The following NBEA variants were observed in gnomAD, a reference collection of about 807,000 sequenced individuals.
NBEA encodes the protein neurobeachin, also known as lysosomal-trafficking regulator 2.
NBEA carries 44 observed loss-of-function variants against 343.4 expected under a neutral mutation model. The observed-to-expected ratio is 0.13, with a 90% CI of 0.10 to 0.16. NBEA has a LOEUF of 0.16. Among genes scored for constraint, NBEA ranks in the 10% least tolerant of loss-of-function variants. NBEA has a pLI of 1.00. For missense variants in NBEA, 2,555 were observed against 3,631.3 expected, an observed-to-expected ratio of 0.70 and a Z score of 7.62; for synonymous variants, 1,175 against 1,238.7, an observed-to-expected ratio of 0.95 and a Z score of 1.08.
At chr13:35,333,017 C>T (rs1029771568) in intron 36 of NBEA, among the ~76,000 whole-genome samples, 6 of 152,026 alleles carry the variant, frequency 3.9e-5, no homozygotes, top group African/African-American at 1.4e-4. Context: ...AGAATCTAGC[C>T]TGGAACTATC....
chr13:34,985,618 C>A (rs1352425658), intron 1 of NBEA, among the ~76,000 whole-genome samples: 6 of 150,774 alleles, frequency 4.0e-5, no homozygotes, highest in Admixed American at 4.0e-4. Context: ...GGAGTGCTAC[C>A]AGCTCCTTTT....
At chr13:35,582,091 C>G (rs2081078481) in intron 45 of NBEA, among the ~76,000 whole-genome samples, 1 of 151,954 alleles carries the variant, frequency 6.6e-6, no homozygotes, top group South Asian at 2.1e-4. Context: ...TTGAGACCAT[C>G]CTGGATAACA....
chr13:35,535,146 G>A (rs933318845), intron 41 of NBEA, among the ~76,000 whole-genome samples: 1 of 152,080 alleles, frequency 6.6e-6, no homozygotes, highest in African/African-American at 2.4e-5. Context: ...TTGCCAGCAA[G>A]GGCCATTTAC....
intron 28 of NBEA, among the ~76,000 whole-genome samples, chr13:35,181,159 A>T (rs1268589824): frequency 6.6e-6 from 1 of 151,872 alleles, no homozygotes; most frequent in Non-Finnish European, 1.5e-5. Context: ...TTTTTCATAT[A>T]CTGACTTCTT....
chr13:35,046,281 A>G (rs1290703161), intron 4 of NBEA, among the ~76,000 whole-genome samples: 1 of 152,114 alleles, frequency 6.6e-6, no homozygotes. Context: ...ATGTTTTCTT[A>G]TCTTTCGATT....
intron 24 of NBEA, among the ~76,000 whole-genome samples, chr13:35,166,336 A>C (rs772591496): frequency 6.6e-6 from 1 of 152,192 alleles, no homozygotes; most frequent in African/African-American, 2.4e-5. Context: ...TAACATACAT[A>C]CTATTGCACC....
intron 44 of NBEA, among the ~76,000 whole-genome samples, chr13:35,565,799 T>G (rs1007270744): frequency 2.0e-5 from 3 of 152,244 alleles, no homozygotes; most frequent in African/African-American, 7.2e-5. Flanking sequence ...ACCTGAAATA[T>G]TTAAGTCATT....
At chr13:35,565,418 G>GT (rs371873763) in intron 44 of NBEA, among the ~76,000 whole-genome samples, 2 of 151,620 alleles carry the variant, frequency 1.3e-5, no homozygotes, top group South Asian at 2.1e-4. Flanking sequence ...TCCAAATGCT[G>GT]TAAGAGCAGA....
At chr13:35,317,526 A>T (rs1594192256) in intron 36 of NBEA, among the ~76,000 whole-genome samples, 2 of 152,262 alleles carry the variant, frequency 1.3e-5, no homozygotes, top group East Asian at 3.9e-4. Context: ...TATAGTTTGA[A>T]GTCAGGTAGC....
chr13:35,482,062 A>T (rs1355908478), intron 41 of NBEA, among the ~76,000 whole-genome samples: 1 of 151,806 alleles, frequency 6.6e-6, no homozygotes, highest in Non-Finnish European at 1.5e-5. Context: ...TAGATAATCA[A>T]CTTCCAGTGA....
intron 6 of NBEA, 27 bp from the exon 7 acceptor site, chr13:35,055,983 T>C (rs1266391114): frequency 2.0e-6 from 3 of 1,537,648 alleles, no homozygotes; most frequent in Non-Finnish European, 2.6e-6. Flanking sequence ...ACATTACATA[T>C]TGATATATTT....
chr13:35,500,361 G>A (rs1262234042), intron 41 of NBEA, among the ~76,000 whole-genome samples: 1 of 152,096 alleles, frequency 6.6e-6, no homozygotes, highest in Non-Finnish European at 1.5e-5. Context: ...GTGTGTCAGG[G>A]AAGAGGGGGA....
intron 34 of NBEA, among the ~76,000 whole-genome samples, chr13:35,249,613 G>A (rs952192325): frequency 3.3e-5 from 5 of 152,266 alleles, no homozygotes; most frequent in Admixed American, 2.0e-4. Flanking sequence ...TGAAAACTGT[G>A]TACTCTTTGT....
chr13:35,533,718 A>G (rs2078385867), intron 41 of NBEA, among the ~76,000 whole-genome samples: 1 of 152,066 alleles, frequency 6.6e-6, no homozygotes, highest in Non-Finnish European at 1.5e-5. Flanking sequence ...TTTATAAATT[A>G]GTTAGCCAAT....
intron 49 of NBEA, among the ~76,000 whole-genome samples, chr13:35,645,484 C>T (rs1036327785): frequency 1.3e-5 from 2 of 152,184 alleles, no homozygotes; most frequent in South Asian, 2.1e-4. Context: ...ACAGTCCAGA[C>T]AGTTTGAGGG....
intron 38 of NBEA, among the ~76,000 whole-genome samples, chr13:35,387,367 C>T (rs567360774): frequency 6.6e-6 from 1 of 151,846 alleles, no homozygotes; most frequent in South Asian, 2.1e-4. Context: ...ATTTTTTTTC[C>T]TTGCGAATTG....
intron 1 of NBEA, among the ~76,000 whole-genome samples, chr13:34,956,388 TG>T (rs1440879542): frequency 4.6e-5 from 7 of 151,124 alleles, no homozygotes; most frequent in South Asian, 4.2e-4. Context: ...CAGTGAAAGT[TG>T]TTTTTTTTTT....
intron 1 of NBEA, among the ~76,000 whole-genome samples, chr13:34,953,877 T>C (rs1161133975): frequency 6.6e-6 from 1 of 152,214 alleles, no homozygotes; most frequent in Non-Finnish European, 1.5e-5. Context: ...AGATCAGCAG[T>C]GCCGTTAGAT....
At chr13:35,010,779 T>A (rs1253354576) in intron 1 of NBEA, among the ~76,000 whole-genome samples, 10 of 119,890 alleles carry the variant, frequency 8.3e-5, no homozygotes, top group South Asian at 2.8e-4. Context: ...TATATATATA[T>A]AAGCTGGGTG....
Sources: allele counts gnomAD v4.1 joint callset (sites outside exome capture counted in the v4.1 genomes callset), GRCh38; gene constraint gnomAD v4.1.1; transcripts MANE v1.5; gene names NCBI Gene and HGNC (gene_info 2026-07-23, HGNC 2026-07-21).